Variants in CSMD1 observed in about 807,000 individuals in gnomAD.
CSMD1 encodes CUB and sushi domain-containing protein 1.
In CSMD1, 213 loss-of-function variants were observed where a neutral mutation model predicts 417.5. The observed-to-expected ratio is 0.51, with a 90% CI of 0.46 to 0.57. CSMD1 has a LOEUF of 0.57. CSMD1 is among the 20% of genes least tolerant of loss of function. The probability of loss-of-function intolerance (pLI) is 0.00; values close to 1 mark genes in which losing one functional copy is unlikely to be tolerated. For synonymous variants in CSMD1, 2,862 were observed against 1,736.8 expected (o/e 1.65, Z -16.11); for missense variants, 6,923 against 4,529.7 (o/e 1.53, Z -15.17).
chr8:4,115,343 A>C (rs527970513), intron 3 of CSMD1, among the ~76,000 whole-genome samples: 26 of 152,230 alleles, frequency 1.7e-4, no homozygotes, highest in Non-Finnish European at 3.5e-4. Context: ...TTTAGACATA[A>C]TACTGTTGCA....
rs151323759 is a variant in CSMD1 at position 4,461,141 on chromosome 8, T to C, written c.303-41076A>G. On this transcript the variant is annotated intron_variant, in intron 2 of 69. Coordinates refer to ENST00000635120, the MANE Select transcript of CSMD1 (RefSeq NM_033225.6). ...CTAACACTGTGCCATAACAATAAAA[T>C]AAAGTCAGCTGATTGTCTTACCAGA... Among the ~76,000 whole-genome samples the C allele has an allele frequency of 5.8e-3, 769 of 131,466 alleles. 9 individuals carry two copies. Among genetic ancestry groups the C allele is most frequent in the Non-Finnish European group, 4.2e-3 (259 of 62,120 alleles). The allele number at this position is 131,466 out of a possible 152,430, so 86.2% of individuals were successfully genotyped here. A position where few individuals can be genotyped will look rare whatever the true frequency, so the allele number is the denominator to read the frequency against.
intron 3 of CSMD1, among the ~76,000 whole-genome samples, chr8:4,175,978 G>T (rs570527418): frequency 1.3e-5 from 2 of 152,106 alleles, no homozygotes; most frequent in Non-Finnish European, 2.9e-5. Context: ...TTCTCTCATT[G>T]TATTCTCTGT....
intron 5 of CSMD1, among the ~76,000 whole-genome samples, chr8:3,996,600 A>G (rs1815241952): frequency 6.6e-6 from 1 of 152,222 alleles, no homozygotes; most frequent in Non-Finnish European, 1.5e-5. Flanking sequence ...CGAGATAGGT[A>G]ATAATTTAAA....
intron 10 of CSMD1, among the ~76,000 whole-genome samples, chr8:3,530,901 A>G (rs1296711087): frequency 6.6e-6 from 1 of 150,692 alleles, no homozygotes; most frequent in Non-Finnish European, 1.5e-5. Flanking sequence ...TCTGTCATCC[A>G]GACTGGAATG....
chr8:4,095,793 A>G (rs894106096), intron 3 of CSMD1, among the ~76,000 whole-genome samples: 1 of 152,214 alleles, frequency 6.6e-6, no homozygotes, highest in Non-Finnish European at 1.5e-5. Flanking sequence ...GGTTTTATAT[A>G]TGTATTTGTA....
chr8:3,217,489 C>G (rs1191709336), intron 29 of CSMD1, among the ~76,000 whole-genome samples: 1 of 151,966 alleles, frequency 6.6e-6, no homozygotes, highest in Non-Finnish European at 1.5e-5. Context: ...TACATTCTCA[C>G]AATTATATGA....
intron 5 of CSMD1, among the ~76,000 whole-genome samples, chr8:3,836,962 T>C (rs12542886): frequency 0.39 from 58,518 of 151,670 alleles, 12,414 homozygotes; most frequent in African/African-American, 0.57. Context: ...ATAAAAAGTT[T>C]TATAAAAGAA....
chr8:4,234,350 C>T (rs1585069582), intron 3 of CSMD1, among the ~76,000 whole-genome samples: 1 of 152,244 alleles, frequency 6.6e-6, no homozygotes, highest in South Asian at 2.1e-4. Flanking sequence ...GCTCCTGAAG[C>T]AGCCTCTCTG....
chr8:3,480,597 C>G (rs975388038), intron 11 of CSMD1, among the ~76,000 whole-genome samples: 1 of 151,960 alleles, frequency 6.6e-6, no homozygotes, highest in South Asian at 2.1e-4. Flanking sequence ...CTAAGTTAAC[C>G]TCTCAAAAAT....
intron 4 of CSMD1, among the ~76,000 whole-genome samples, chr8:4,004,271 T>G (rs553343494): frequency 6.6e-6 from 1 of 152,226 alleles, no homozygotes; most frequent in South Asian, 2.1e-4. Flanking sequence ...CCCAGTAACA[T>G]TCATGAATAA....
intron 1 of CSMD1, among the ~76,000 whole-genome samples, chr8:4,972,067 G>C (rs575987597): frequency 3.3e-5 from 5 of 152,184 alleles, no homozygotes; most frequent in African/African-American, 7.2e-5. Flanking sequence ...AGAGGTAAGC[G>C]ATACCATACC....
In CSMD1 at chr8:4,032,059, C is replaced by T; in HGVS notation, c.456G>A (p.Leu152=). ...SHTCGNPGEI[L]KGVLHGTRFN... is the part of the protein sequence containing the mutation. ...ATCTCGTTCCATGCAGAACTCCTTT[C>T]AGGATTTCTCCAGGATTTCCACAAG... Residue 152 remains leucine, a synonymous_variant, in exon 4 of 70, where the codon CTG becomes CTA. Transcript: ENST00000635120. 6.2e-7 allele frequency: 1 copy of T among 1,613,500 alleles called. No homozygotes were observed. Among genetic ancestry groups the T allele is most frequent in the South Asian group, 1.1e-5 (1 of 91,012 alleles).
intron 37 of CSMD1, among the ~76,000 whole-genome samples, chr8:3,178,551 T>C (rs1009518478): frequency 6.6e-6 from 1 of 152,196 alleles, no homozygotes; most frequent in African/African-American, 2.4e-5. Flanking sequence ...CATGCCTGCC[T>C]CTGCATGCCA....
chr8:3,802,312 T>C (rs1800500552), intron 5 of CSMD1, among the ~76,000 whole-genome samples: 1 of 152,166 alleles, frequency 6.6e-6, no homozygotes, highest in African/African-American at 2.4e-5. Context: ...ACTATTGCCA[T>C]TTATTATAGT....
At chr8:4,504,695 A>G (rs1802430321) in intron 2 of CSMD1, among the ~76,000 whole-genome samples, 1 of 151,736 alleles carries the variant, frequency 6.6e-6, no homozygotes, top group African/African-American at 2.4e-5. Context: ...ATGTGTTCTC[A>G]TTGTTCAACT....
intron 3 of CSMD1, among the ~76,000 whole-genome samples, chr8:4,271,311 G>T (rs140684967): frequency 5.9e-5 from 9 of 152,242 alleles, no homozygotes; most frequent in Middle Eastern, 3.4e-3. Context: ...AACCCACAGA[G>T]GTTGGTGAAA....
intron 1 of CSMD1, among the ~76,000 whole-genome samples, chr8:4,966,505 G>C (rs1370641499): frequency 6.6e-6 from 1 of 152,178 alleles, no homozygotes; most frequent in Non-Finnish European, 1.5e-5. Context: ...AGGCCCTTAA[G>C]GGGCTGCAGA....
At chr8:4,503,558 G>C (rs760250461) in intron 2 of CSMD1, among the ~76,000 whole-genome samples, 4 of 152,098 alleles carry the variant, frequency 2.6e-5, no homozygotes, top group Non-Finnish European at 4.4e-5. Flanking sequence ...TTGTCAAATG[G>C]ATTGGTATAT....
intron 1 of CSMD1, among the ~76,000 whole-genome samples, chr8:4,813,134 C>T (rs566499985): frequency 6.6e-6 from 1 of 152,226 alleles, no homozygotes; most frequent in South Asian, 2.1e-4. Context: ...GTTAAGCTCT[C>T]GCTAAATCCC....
Sources: gnomAD v4.1 joint callset for allele counts (sites outside exome capture counted in the v4.1 genomes callset) on GRCh38, gnomAD v4.1.1 for gene constraint, MANE v1.5 for transcripts, NCBI Gene and HGNC (gene_info 2026-07-23, HGNC 2026-07-21) for gene names.